The following SORCS2 variants were observed in gnomAD, a reference collection of about 807,000 sequenced individuals.
SORCS2 encodes sortilin related VPS10 domain containing receptor 2.
In SORCS2, 100 loss-of-function variants were observed where a neutral mutation model predicts 141.6. The observed-to-expected ratio is 0.71, with a 90% CI of 0.60 to 0.83. The LOEUF (loss-of-function observed/expected upper bound fraction) is 0.83, where lower values mean the gene tolerates loss of function less well. Among genes scored for constraint, SORCS2 ranks in the 40% least tolerant of loss-of-function variants. The pLI, the probability that SORCS2 is intolerant of heterozygous loss-of-function variation, is 0.00. For missense variants in SORCS2, 1,646 were observed against 1,560.2 expected (o/e 1.05, Z -0.93); for synonymous variants, 789 against 676.9 (o/e 1.17, Z -2.57).
chr4:7,480,139 G>A (rs187717706), intron 2 of SORCS2, among the ~76,000 whole-genome samples: 446 of 152,308 alleles, frequency 2.9e-3, no homozygotes, highest in South Asian at 6.4e-3. Flanking sequence ...GGAGTGGAGC[G>A]GCTGTGGCTC....
chr4:7,402,881 T>C (rs1419065561), intron 2 of SORCS2, among the ~76,000 whole-genome samples: 1 of 152,048 alleles, frequency 6.6e-6, no homozygotes, highest in African/African-American at 2.4e-5. Context: ...CCTGCTCATA[T>C]CTCGTGCCTG....
intron 1 of SORCS2, among the ~76,000 whole-genome samples, chr4:7,220,944 A>C (rs11727272): frequency 0.045 from 6,794 of 152,314 alleles, 184 homozygotes; most frequent in Middle Eastern, 0.068. Context: ...AAAAGGAATG[A>C]TTTTTCAAAA....
intron 3 of SORCS2, among the ~76,000 whole-genome samples, chr4:7,600,046 T>G (rs10004537): frequency 0.072 from 11,024 of 152,068 alleles, 599 homozygotes; most frequent in African/African-American, 0.15. Context: ...GATCTTGAAC[T>G]CCTGACCTCA....
intron 2 of SORCS2, among the ~76,000 whole-genome samples, chr4:7,497,711 G>A (rs1731713284): frequency 6.6e-6 from 1 of 152,260 alleles, no homozygotes; most frequent in East Asian, 1.9e-4. Context: ...GTGCTGTCAT[G>A]GTCCCCACCG....
At chr4:7,525,918 TCCC>T (rs1733662102) in intron 2 of SORCS2, among the ~76,000 whole-genome samples, 1 of 85,378 alleles carries the variant, frequency 1.2e-5, no homozygotes, top group Non-Finnish European at 2.2e-5. Context: ...CAGTCACCTG[TCCC>T]CTCCTCACAC....
rs1367846094 is a variant in SORCS2 at position 7,689,712 on chromosome 4, C to A, written c.1591+124C>A. 8.5e-6 allele frequency: 7 copies of A among 824,618 alleles called. No homozygotes were observed. The Admixed American group carries it at 2.2e-4, about 26-fold the overall frequency. 51.1% of individuals were successfully genotyped at this position (824,618 alleles called of 1,614,324 possible). ...ATAGTATGTCCTTTAGGAGGCAGTA[C>A]CACTGCATCTCCAGGAAGCTCAGCT... On this transcript the variant is annotated intron_variant, in intron 11 of 26. Coordinates refer to ENST00000507866, the MANE Select transcript of SORCS2 (RefSeq NM_020777.3).
At chr4:7,305,487 A>G (rs2108908355) in intron 1 of SORCS2, among the ~76,000 whole-genome samples, 1 of 151,998 alleles carries the variant, frequency 6.6e-6, no homozygotes, top group South Asian at 2.1e-4. Flanking sequence ...CATGGCGCTC[A>G]GCTCCCCTCT....
At chr4:7,469,333 G>A (rs965272603) in intron 2 of SORCS2, among the ~76,000 whole-genome samples, 20 of 152,172 alleles carry the variant, frequency 1.3e-4, no homozygotes, top group Non-Finnish European at 1.0e-4. Context: ...CTGGAAAATA[G>A]AACGCAGAGA....
chr4:7,402,929 G>A lies in SORCS2; in HGVS notation c.548+6574G>A, dbSNP rs4689730. 7.4e-4 allele frequency among the ~76,000 whole-genome samples: 112 copies of A among 151,550 alleles called. No homozygotes were observed. The East Asian group carries it at 0.018, about 25-fold the overall frequency. ...GGGTTGCTTAACTTTTTCTTGACCCGTACCTCTCTACTCTAAAAAGCCCAT... is the reference window on the plus strand; with the variant it reads ...GGGTTGCTTAACTTTTTCTTGACCCATACCTCTCTACTCTAAAAAGCCCAT... On this transcript the variant is annotated intron_variant, in intron 2 of 26. Transcript: ENST00000507866.
intron 1 of SORCS2, among the ~76,000 whole-genome samples, chr4:7,287,531 T>C (rs1015547002): frequency 7.2e-5 from 11 of 152,236 alleles, no homozygotes; most frequent in African/African-American, 2.4e-4. Context: ...CCCTACTTCA[T>C]GGCCACTTGC....
rs1390301540 is a variant in SORCS2 at position 7,648,727 on chromosome 4, G to A, written c.814-5407G>A. Among the ~76,000 whole-genome samples the A allele has an allele frequency of 1.3e-5, 2 of 152,116 alleles. No individual in the cohort carries two copies. The highest frequency in any genetic ancestry group is 2.9e-5 in the Non-Finnish European group (2 of 67,982). On this transcript the variant is annotated intron_variant, in intron 4 of 26. Coordinates refer to ENST00000507866, the MANE Select transcript of SORCS2 (RefSeq NM_020777.3). The surrounding 1 kb of genome is among the most constrained non-coding windows in gnomAD (Gnocchi z 4.2). ...ATGTGAGCTTGGACCTGCCATGGTG[G>A]AGGAAGAGAGGCTAGAAACCAGGGA...
intron 1 of SORCS2, among the ~76,000 whole-genome samples, chr4:7,214,111 C>T (rs1227635658): frequency 6.6e-6 from 1 of 152,154 alleles, no homozygotes; most frequent in Non-Finnish European, 1.5e-5. Flanking sequence ...AAAAAGGAAG[C>T]CAGCCTTTGC....
intron 2 of SORCS2, among the ~76,000 whole-genome samples, chr4:7,397,582 GC>G (rs1470600803): frequency 6.6e-6 from 1 of 152,092 alleles, no homozygotes; most frequent in Non-Finnish European, 1.5e-5. Context: ...CCCTGCCACG[GC>G]CCCCCGTTGC....
intron 3 of SORCS2, among the ~76,000 whole-genome samples, chr4:7,584,916 A>C (rs1716435798): frequency 2.0e-5 from 3 of 152,186 alleles, no homozygotes; most frequent in Non-Finnish European, 4.4e-5. Flanking sequence ...GGGATGTCAA[A>C]ATAAAGCAAG....
intron 21 of SORCS2, 73 bp from the exon 22 acceptor site, chr4:7,728,277 C>T (rs543330290): frequency 1.6e-5 from 18 of 1,132,756 alleles, no homozygotes; most frequent in Admixed American, 6.1e-5. Flanking sequence ...TGGCTGCCCC[C>T]GACCCCCACC....
intron 2 of SORCS2, among the ~76,000 whole-genome samples, chr4:7,517,272 G>A (rs1313625195): frequency 2.0e-5 from 3 of 152,254 alleles, no homozygotes; most frequent in South Asian, 4.2e-4. Context: ...ACTTTCAGCC[G>A]GGTTTCCACA....
At chr4:7,683,080 C>G (rs1405523391) in intron 10 of SORCS2, among the ~76,000 whole-genome samples, 191 bp downstream of exon 10, 3 of 152,216 alleles carry the variant, frequency 2.0e-5, no homozygotes, top group Non-Finnish European at 4.4e-5. Context: ...AATTGGAGGT[C>G]AGAGAGGGAA....
chr4:7,619,795 A>G (rs1719033514), intron 3 of SORCS2, among the ~76,000 whole-genome samples: 1 of 152,016 alleles, frequency 6.6e-6, no homozygotes, highest in African/African-American at 2.4e-5. Context: ...ATAGTGCCCG[A>G]GTGGGAAGGG....
At chr4:7,237,742 G>C (rs983075310) in intron 1 of SORCS2, among the ~76,000 whole-genome samples, 1 of 152,068 alleles carries the variant, frequency 6.6e-6, no homozygotes, top group African/African-American at 2.4e-5. Context: ...AGGGCCATGA[G>C]TTTACGTCAG....
Sources: gnomAD v4.1 joint callset for allele counts (sites outside exome capture counted in the v4.1 genomes callset) on GRCh38, gnomAD v4.1.1 for gene constraint, Gnocchi (gnomAD v3.1) non-coding constraint, MANE v1.5 for transcripts, NCBI Gene and HGNC (gene_info 2026-07-23, HGNC 2026-07-21) for gene names.